CLEC4D: variants seen among roughly 807,000 people sequenced by gnomAD.
CLEC4D encodes C-type lectin domain family 4 member D, also known as C-type (calcium dependent, carbohydrate-recognition domain) lectin, superfamily member 8.
A neutral mutation model predicts 21.1 loss-of-function variants in CLEC4D; 21 were observed. The ratio of observed to expected loss-of-function variants is 1.00; its 90% CI spans 0.71 to 1.43. CLEC4D has a LOEUF of 1.43. Ranked by LOEUF, CLEC4D falls within the 40% of genes most tolerant of loss-of-function variation. The pLI, the probability that CLEC4D is intolerant of heterozygous loss-of-function variation, is 0.00. For synonymous variants in CLEC4D, 85 were observed against 83.1 expected, an observed-to-expected ratio of 1.02 and a Z score of -0.12; for missense variants, 289 against 260.7, an observed-to-expected ratio of 1.11 and a Z score of -0.75.
At chr12:8,519,967 G>A (rs1314964684) in intron 4 of CLEC4D, among the ~76,000 whole-genome samples, 1 of 152,112 alleles carries the variant, frequency 6.6e-6, no homozygotes, top group Non-Finnish European at 1.5e-5. Context: ...GTGCTAAAAG[G>A]GTTGCAAGTC....
downstream of CLEC4D, among the ~76,000 whole-genome samples, chr12:8,526,025 T>C (rs181525085): frequency 1.3e-5 from 2 of 152,354 alleles, no homozygotes; most frequent in Admixed American, 1.3e-4. Context: ...CCCAATCTCT[T>C]CTGGCTGGTA....
rs200756186 is a variant in CLEC4D at position 8,519,107 on chromosome 12, A to G, written c.331A>G (p.Asn111Asp). The G allele has an allele frequency of 7.1e-4, 1,147 of 1,614,100 alleles. 12 individuals carry two copies. Among genetic ancestry groups the G allele is most frequent in the Non-Finnish European group, 9.0e-5 (106 of 1,180,000 alleles). The part of the protein sequence containing the change: ...DNKTWAESER[N>D]CSGMGAHLMT... Reference sequence around the variant, plus strand: ...CAAGACGTGGGCTGAGAGTGAAAGGAACTGTTCAGGGATGGGGGCCCATCT... The same window carrying G: ...CAAGACGTGGGCTGAGAGTGAAAGGGACTGTTCAGGGATGGGGGCCCATCT... The change falls in exon 4 of 6, where the codon AAC becomes GAC. Residue 111 changes from asparagine (N) to aspartate (D), a missense_variant. Physicochemically the swap from Asn to Asp is conservative, Grantham distance 23 (BLOSUM62 1). Coordinates refer to ENST00000299665, the MANE Select transcript of CLEC4D (RefSeq NM_080387.5).
chr12:8,524,379 G>A (rs756622831), downstream of CLEC4D, among the ~76,000 whole-genome samples: 2 of 151,482 alleles, frequency 1.3e-5, no homozygotes, highest in African/African-American at 4.9e-5. Context: ...CTATTTCAGA[G>A]CTCGTAATTG....
chr12:8,521,089 CCTATAAATCTCTAT>C, intron 5 of CLEC4D, 21 bp from the exon 6 acceptor site: 1 of 1,602,914 alleles, frequency 6.2e-7, no homozygotes, highest in South Asian at 1.1e-5. Context: ...TCTATATATA[CCTATAAATCTCTAT>C]CTATGTTGTT....
rs757738995 is a variant in CLEC4D, at chr12:8,515,217, A to AT, written c.29-14dup. The stretch of plus-strand genomic sequence containing the variant: ...TGTAGCTGAGAGGAGGTTAATCTCT[A>AT]TTTTTCTTTTGGTCCTAGTGGAAGG... On this transcript the variant is annotated intron_variant, in intron 1 of 5. Transcript: ENST00000299665. 3.0e-4 allele frequency: 346 copies of AT among 1,139,064 alleles called. No individual in the cohort carries two copies. Among genetic ancestry groups the AT allele is most frequent in the Non-Finnish European group, 4.4e-4 (325 of 746,840 alleles). 70.6% of individuals were successfully genotyped at this position (1,139,064 alleles called of 1,614,324 possible). A position where few individuals can be genotyped will look rare whatever the true frequency, so the allele number is the denominator to read the frequency against.
downstream of CLEC4D, among the ~76,000 whole-genome samples, chr12:8,523,959 T>C (rs999966135): frequency 2.0e-5 from 3 of 152,174 alleles, no homozygotes; most frequent in African/African-American, 7.2e-5. Context: ...GAGATAACCA[T>C]GTGGTTTTTG....
downstream of CLEC4D, among the ~76,000 whole-genome samples, chr12:8,527,209 C>T (rs1485687722): frequency 6.6e-6 from 1 of 152,190 alleles, no homozygotes; most frequent in Non-Finnish European, 1.5e-5. Context: ...TAATGAAGCC[C>T]TTTGTCCCTT....
chr12:8,520,285 G>C lies in CLEC4D; in HGVS notation c.444G>C (p.Glu148Asp), dbSNP rs757147360. 1 of 1,614,058 alleles carries C rather than the reference G, an allele frequency of 6.2e-7. No homozygotes were observed. The change falls in exon 5 of 6, where the codon GAG becomes GAC. Residue 148 changes from glutamate to aspartate, a missense_variant. Physicochemically the swap from Glu to Asp is conservative, Grantham distance 45. Coordinates refer to ENST00000299665, the MANE Select transcript of CLEC4D (RefSeq NM_080387.5). ...RLSYFLGLRDENAKGQWRWVD... is the reference protein window; with the variant it reads ...RLSYFLGLRDDNAKGQWRWVD... ...CCTATTTCCTTGGACTTAGAGATGA[G>C]AATGCCAAAGGTCAGTGGCGTTGGG...
At chr12:8,523,549 T>C (rs1489971171), downstream of CLEC4D, among the ~76,000 whole-genome samples, 1 of 152,224 alleles carries the variant, frequency 6.6e-6, no homozygotes, top group Non-Finnish European at 1.5e-5. Context: ...ATTGATTTTG[T>C]ATCCTGAGAC....
At chr12:8,514,262 TCA>T (rs1384479026) in intron 1 of CLEC4D, among the ~76,000 whole-genome samples, 9 of 152,260 alleles carry the variant, frequency 5.9e-5, no homozygotes, top group Admixed American at 4.6e-4. Flanking sequence ...CAAACTGTAA[TCA>T]CAGTGTGATC....
rs181002428 is a variant in CLEC4D at position 8,518,186 on chromosome 12, C to T, written c.144C>T (p.Arg48=). 6.7e-6 allele frequency: 9 copies of T among 1,346,168 alleles called. No homozygotes were observed. The highest frequency in any genetic ancestry group is 1.4e-5 in the African/African-American group (1 of 69,988). The allele number at this position is 1,346,168 out of a possible 1,614,324, so 83.4% of individuals were successfully genotyped here. A position where few individuals can be genotyped will look rare whatever the true frequency, so the allele number is the denominator to read the frequency against. ...CAGTGACTCATCACAACTTTTCACGCTGTAAGAGAGGCACAGGAGTGCACA... is the reference window on the plus strand; with the variant it reads ...CAGTGACTCATCACAACTTTTCACGTTGTAAGAGAGGCACAGGAGTGCACA... ...SCLVTHHNFS[R]CKRGTGVHKL... is the part of the protein sequence containing the mutation. The change falls in exon 3 of 6, where the codon CGC becomes CGT. Residue 48 remains arginine, a synonymous_variant. Coordinates refer to ENST00000299665, the MANE Select transcript of CLEC4D (RefSeq NM_080387.5).
At chr12:8,523,419 T>G (rs1252323250), downstream of CLEC4D, among the ~76,000 whole-genome samples, 1 of 152,186 alleles carries the variant, frequency 6.6e-6, no homozygotes, top group Non-Finnish European at 1.5e-5. Flanking sequence ...TCACATCCCT[T>G]GTTAGCTGTA....
chr12:8,523,827 G>T (rs776574794), downstream of CLEC4D, among the ~76,000 whole-genome samples: 1 of 152,184 alleles, frequency 6.6e-6, no homozygotes, highest in South Asian at 2.1e-4. Context: ...TGATATATTG[G>T]CTGTGCGTTC....
chr12:8,520,896 C>T (rs866642227), intron 5 of CLEC4D, among the ~76,000 whole-genome samples: 1 of 152,192 alleles, frequency 6.6e-6, no homozygotes, highest in South Asian at 2.1e-4. Context: ...ACTAAGTCTT[C>T]AAAATACAGC....
At chr12:8,515,161 T>C (rs1401484256) in intron 1 of CLEC4D, 75 bp from the exon 2 acceptor site, 2 of 808,376 alleles carry the variant, frequency 2.5e-6, no homozygotes, top group Admixed American at 1.9e-5. Context: ...CACTTTTAGA[T>C]TGCTCCTTGG....
At chr12:8,518,093 A>G (rs753415559) in intron 2 of CLEC4D, 71 bp from the exon 3 acceptor site, 3 of 650,708 alleles carry the variant, frequency 4.6e-6, no homozygotes, top group Admixed American at 5.6e-5. Flanking sequence ...AAATTTAGGA[A>G]GGTCAGCCCC....
downstream of CLEC4D, among the ~76,000 whole-genome samples, chr12:8,526,187 T>C (rs746639947): frequency 3.9e-5 from 6 of 152,298 alleles, no homozygotes; most frequent in South Asian, 1.2e-3. Flanking sequence ...TCTTGTGGAG[T>C]ACCTTAATGG....
downstream of CLEC4D, among the ~76,000 whole-genome samples, chr12:8,527,359 G>C (rs1022558899): frequency 2.0e-5 from 3 of 152,184 alleles, no homozygotes; most frequent in African/African-American, 7.2e-5. Flanking sequence ...CCAGGCCCAC[G>C]GAGAACCAAA....
intron 4 of CLEC4D, among the ~76,000 whole-genome samples, chr12:8,519,519 G>T (rs1410466162): frequency 6.6e-6 from 1 of 152,082 alleles, no homozygotes; most frequent in Non-Finnish European, 1.5e-5. Flanking sequence ...TTTACTACGT[G>T]GAGGGCTGGA....
Sources: allele counts gnomAD v4.1 joint callset (sites outside exome capture counted in the v4.1 genomes callset), GRCh38; gene constraint gnomAD v4.1.1; transcripts MANE v1.5; gene names NCBI Gene and HGNC (gene_info 2026-07-23, HGNC 2026-07-21).